NPHS1: variants seen among roughly 807,000 people sequenced by gnomAD.
NPHS1 encodes the protein NPHS1 adhesion molecule, nephrin.
A neutral mutation model predicts 139.7 loss-of-function variants in NPHS1; 107 were observed. The observed-to-expected ratio is 0.77, with a 90% CI of 0.66 to 0.90. The LOEUF (loss-of-function observed/expected upper bound fraction) is 0.90. NPHS1 is among the 40% of genes least tolerant of loss of function. NPHS1 has a pLI of 0.00. For missense variants in NPHS1, 1,580 were observed against 1,654.2 expected, an observed-to-expected ratio of 0.96 and a Z score of 0.78; for synonymous variants, 707 against 706.6, an observed-to-expected ratio of 1.00 and a Z score of -0.01.
chr19:35,832,886 C>CAA (rs748346116), intron 23 of NPHS1, among the ~76,000 whole-genome samples: 123 of 45,116 alleles, frequency 2.7e-3, no homozygotes, highest in African/African-American at 5.1e-3. Flanking sequence ...GACCCTGTCT[C>CAA]AAAAAAAAAA....
Position 35,845,867 on chromosome 19 carries a change from G to A in NPHS1, c.1628-69C>T. ...GGCCTGGTCTGCGTCCACCCCGCCT[G>A]CACCCCAGGCTCCGCCCAGTCTCGG... On this transcript the variant is annotated intron_variant, in intron 12 of 28. Transcript: ENST00000378910. This position sits in a 1 kb window ranked among gnomAD's most constrained non-coding sequence, Gnocchi z 5.5. 1 of 1,576,304 alleles carries A rather than the reference G, an allele frequency of 6.3e-7. No homozygotes were observed. Among genetic ancestry groups the A allele is most frequent in the East Asian group, 2.3e-5 (1 of 44,056 alleles).
chr19:35,846,548 G>A (rs1025289412), intron 11 of NPHS1, among the ~76,000 whole-genome samples: 1 of 152,192 alleles, frequency 6.6e-6, no homozygotes, highest in African/African-American at 2.4e-5. Flanking sequence ...AACACCACCT[G>A]CAGGAAACTC....
Position 35,842,288 on chromosome 19 carries a change from G to A in NPHS1, c.2507-8C>T, listed in dbSNP as rs1156261469. The stretch of plus-strand genomic sequence containing the variant: ...GCTCCACCTGGGGGGCAACTGGGAG[G>A]GGATGGGCAGTCAACATGAGCTATG... On this transcript the variant is annotated splice_polypyrimidine_tract_variant and splice_region_variant and intron_variant, in intron 18 of 28. Transcript: ENST00000378910. The A allele has an allele frequency of 1.2e-6, 2 of 1,612,346 alleles. No homozygotes were observed. Among genetic ancestry groups the A allele is most frequent in the Non-Finnish European group, 8.5e-7 (1 of 1,180,008 alleles).
At chr19:35,831,575 A>C in intron 24 of NPHS1, 68 bp downstream of exon 24, 1 of 1,611,210 alleles carries the variant, frequency 6.2e-7, no homozygotes, top group Non-Finnish European at 8.5e-7. Context: ...GACCTTCAGT[A>C]TGCAGCAACC....
At chr19:35,850,215 C>A in intron 5 of NPHS1, 149 bp downstream of exon 5, 2 of 685,420 alleles carry the variant, frequency 2.9e-6, no homozygotes, top group Non-Finnish European at 2.6e-6. Context: ...CACCTCTGTT[C>A]CCCATGAAGA....
intron 3 of NPHS1, 60 bp downstream of exon 3, chr19:35,851,202 G>A (rs973919611): frequency 1.2e-6 from 2 of 1,613,278 alleles, no homozygotes; most frequent in African/African-American, 2.7e-5. Context: ...CTTCCGGGTT[G>A]CGGGGTAGGG....
At position 35,848,114 on chromosome 19, in the gene NPHS1, C is replaced by T. The variant is rs146290709; in HGVS notation, c.1367G>A (p.Arg456Gln). Residue 456 changes from arginine (R) to glutamine (Q), a missense_variant, in exon 11 of 29, where the codon CGG becomes CAG. Physicochemically the swap from Arg to Gln is conservative, Grantham distance 43 (BLOSUM62 1). Transcript: ENST00000378910. The stretch of plus-strand genomic sequence containing the variant: ...CACCAGCCTCACCCGGGTCCCAGCC[C>T]GGAGCTTCTGGCCCTCTGGGGGACC... ...IEGPPEGQKLRAGTRVRLVCL... is the reference protein window; with the variant it reads ...IEGPPEGQKLQAGTRVRLVCL... The T allele has an allele frequency of 7.7e-5, 124 of 1,614,044 alleles. No individual in the cohort carries two copies. The East Asian group carries it at 1.8e-3, about 23-fold the overall frequency.
rs764300734 is a variant in NPHS1, at chr19:35,851,515, G to A, written c.216C>T (p.Gly72=). 4 of 1,613,730 alleles carry A rather than the reference G, an allele frequency of 2.5e-6. No homozygotes were observed. The highest frequency in any genetic ancestry group is 2.5e-6 in the Non-Finnish European group (3 of 1,179,988). The change falls in exon 2 of 29, where the codon GGC becomes GGT. Residue 72 remains glycine (G), a synonymous_variant. Transcript: ENST00000378910. ...GGAAGCCTGGGATCCTGGGGTCGGGGCCCAGGAGCAGCCCATCTTTGGCCC... is the reference window on the plus strand; with the variant it reads ...GGAAGCCTGGGATCCTGGGGTCGGGACCCAGGAGCAGCCCATCTTTGGCCC... The part of the protein sequence containing the change: ...VQWAKDGLLL[G]PDPRIPGFPR...
At position 35,850,952 on chromosome 19, in the gene NPHS1, C is replaced by T. The variant is rs778174726; in HGVS notation, c.526+9G>A. ...GCTGCCCCCTGCCACCCAGTTCACC[C>T]ACACTCACTCAGGAGAATGGTGATG... On this transcript the variant is annotated intron_variant, in intron 4 of 28. Transcript: ENST00000378910. 10 of 1,613,798 alleles carry T rather than the reference C, an allele frequency of 6.2e-6. No individual in the cohort carries two copies. In the East Asian group the frequency reaches 2.0e-4, roughly 32 times the overall value.
At chr19:35,848,819 C>A in intron 8 of NPHS1, 25 bp from the exon 9 acceptor site, 1 of 1,614,158 alleles carries the variant, frequency 6.2e-7, no homozygotes, top group Non-Finnish European at 8.5e-7. Context: ...AAGGAAGACA[C>A]TAAGCTGGGC....
Position 35,847,813 on chromosome 19 carries a change from C to T in NPHS1, c.1440+228G>A, listed in dbSNP as rs544028014. On this transcript the variant is annotated intron_variant, in intron 11 of 28. Transcript: ENST00000378910. ...AATGCCTAATCTTGATTCAGAATTCCAATTTTTATCCTAAAATTCTCACTG... is the reference window on the plus strand; with the variant it reads ...AATGCCTAATCTTGATTCAGAATTCTAATTTTTATCCTAAAATTCTCACTG... 23 of 489,206 alleles carry T rather than the reference C, an allele frequency of 4.7e-5. No homozygotes were observed. The East Asian group carries it at 7.6e-4, about 16-fold the overall frequency. The allele number at this position is 489,206 out of a possible 1,614,324, so 30.3% of individuals were successfully genotyped here. A position where few individuals can be genotyped will look rare whatever the true frequency, so the allele number is the denominator to read the frequency against.
chr19:35,847,931 T>C lies in NPHS1; in HGVS notation c.1440+110A>G. On this transcript the variant is annotated intron_variant, in intron 11 of 28. Transcript: ENST00000378910. ...CAAACCTCAGAATCTTTAGTACTTT[T>C]CAAGAAATTTAATCTTTTTCCAAGA... The C allele has an allele frequency of 3.3e-6, 4 of 1,207,746 alleles. No individual in the cohort carries two copies. In the South Asian group the frequency reaches 4.1e-5, roughly 12 times the overall value. The allele number at this position is 1,207,746 out of a possible 1,614,324, so 74.8% of individuals were successfully genotyped here.
Position 35,844,296 on chromosome 19 carries a change from C to T in NPHS1, c.2071+23G>A, listed in dbSNP as rs1000080131. On this transcript the variant is annotated intron_variant, in intron 15 of 28. Coordinates refer to ENST00000378910, the MANE Select transcript of NPHS1 (RefSeq NM_004646.4). ...GCAGGACCTCCCATCCCCGGGACCC[C>T]TCCCCATGACCACTTCCCTCACCTG... The T allele has an allele frequency of 7.4e-6, 12 of 1,613,982 alleles. No individual in the cohort carries two copies. In the Admixed American group the frequency reaches 8.3e-5, roughly 11 times the overall value.
At position 35,830,694 on chromosome 19, in the gene NPHS1, C is replaced by T. The variant is rs371546965; in HGVS notation, c.3594+150G>A. 11 of 716,730 alleles carry T rather than the reference C, an allele frequency of 1.5e-5. No homozygotes were observed. The African/African-American group carries it at 1.7e-4, about 11-fold the overall frequency. 44.4% of individuals were successfully genotyped at this position (716,730 alleles called of 1,614,324 possible). On this transcript the variant is annotated intron_variant, in intron 28 of 28. Coordinates refer to ENST00000378910, the MANE Select transcript of NPHS1 (RefSeq NM_004646.4). ...AAAGTGTTGGGATTACAGGCATGGA[C>T]CATCATGCCCAGCCGACTGTCTTTA...
In NPHS1 at chr19:35,839,541, C is replaced by T. The variant is rs1202202990; in HGVS notation, c.2882G>A (p.Trp961Ter). ...SLTPHSVGLE[W>*]KPGFDGGLPQ... is the part of the protein sequence containing the mutation. ...CAGGCCCCCATCAAAGCCAGGCTTCCACTCCAGCCCCACGGAGTGTGGGGT... is the reference window on the plus strand; with the variant it reads ...CAGGCCCCCATCAAAGCCAGGCTTCTACTCCAGCCCCACGGAGTGTGGGGT... Residue 961 changes from tryptophan to a stop codon, truncating the protein, a stop_gained, in exon 21 of 29, where the codon TGG (tryptophan) becomes TAG (stop). Coordinates refer to ENST00000378910, the MANE Select transcript of NPHS1 (RefSeq NM_004646.4). LOFTEE classifies it high-confidence loss of function. 1 of 1,614,096 alleles carries T rather than the reference C, an allele frequency of 6.2e-7. No individual in the cohort carries two copies. Among genetic ancestry groups the T allele is most frequent in the Non-Finnish European group, 8.5e-7 (1 of 1,180,042 alleles).
chr19:35,850,285 A>T (rs1268527383), intron 5 of NPHS1, 79 bp downstream of exon 5: 4 of 1,132,144 alleles, frequency 3.5e-6, no homozygotes, highest in Non-Finnish European at 5.4e-6. Flanking sequence ...CCCAAGCTTC[A>T]TGCTTGCATC....
chr19:35,836,370 G>A (rs543380691), intron 22 of NPHS1, among the ~76,000 whole-genome samples: 5 of 151,354 alleles, frequency 3.3e-5, no homozygotes, highest in East Asian at 2.0e-4. Context: ...CTATCCTCCC[G>A]CCTCAGACTC....
intron 23 of NPHS1, among the ~76,000 whole-genome samples, chr19:35,832,559 A>G (rs1972898756): frequency 1.3e-5 from 2 of 150,486 alleles, no homozygotes; most frequent in South Asian, 4.2e-4. Context: ...AAAAAATCCC[A>G]TCTCAAGGAC....
At chr19:35,827,511 T>C (rs945274521) in intron 28 of NPHS1, among the ~76,000 whole-genome samples, 4 of 152,164 alleles carry the variant, frequency 2.6e-5, no homozygotes, top group African/African-American at 9.7e-5. Context: ...CCTTGGTCAA[T>C]TGATTTCTCT....
Sources: allele counts gnomAD v4.1 joint callset (sites outside exome capture counted in the v4.1 genomes callset), GRCh38; gene constraint gnomAD v4.1.1; non-coding constraint Gnocchi (gnomAD v3.1); transcripts MANE v1.5; gene names NCBI Gene and HGNC (gene_info 2026-07-23, HGNC 2026-07-21).